Variants in ADARB2 observed in about 807,000 individuals in gnomAD.
The protein encoded by ADARB2 is adenosine deaminase RNA specific B2 (inactive), also known as inactive double-stranded RNA-specific editase B2.
ADARB2 carries 25 observed loss-of-function variants against 62.2 expected under a neutral mutation model. That is an observed-to-expected ratio of 0.40 (90% confidence interval 0.29 to 0.56). The LOEUF (loss-of-function observed/expected upper bound fraction) is 0.56, where lower values mean the gene tolerates loss of function less well. ADARB2 is among the 20% of genes least tolerant of loss of function. The pLI is 0.43. For missense variants in ADARB2, 1,071 were observed against 1,077.4 expected, an observed-to-expected ratio of 0.99 and a Z score of 0.08; for synonymous variants, 572 against 500.8, an observed-to-expected ratio of 1.14 and a Z score of -1.90.
intron 6 of ADARB2, among the ~76,000 whole-genome samples, chr10:1,226,239 G>A (rs1047012089): frequency 1.3e-5 from 2 of 152,132 alleles, no homozygotes; most frequent in South Asian, 2.1e-4. Context: ...TGTAGCTCTC[G>A]TGCCTTGATT....
At chr10:1,473,746 A>C (rs899130060) in intron 1 of ADARB2, among the ~76,000 whole-genome samples, 5 of 152,210 alleles carry the variant, frequency 3.3e-5, no homozygotes, top group African/African-American at 1.2e-4. Flanking sequence ...AGGTCTATAG[A>C]CATTAGGGAA....
At chr10:1,638,353 T>C (rs543162227) in intron 1 of ADARB2, among the ~76,000 whole-genome samples, 1 of 152,352 alleles carries the variant, frequency 6.6e-6, no homozygotes, top group South Asian at 2.1e-4. Context: ...TACATATATT[T>C]GACTAACTTG....
chr10:1,526,772 C>A (rs774508025), intron 1 of ADARB2: 2 of 491,188 alleles, frequency 4.1e-6, no homozygotes, highest in Non-Finnish European at 8.6e-6. Flanking sequence ...AGCCGGATGA[C>A]ATGAAGCAGC....
At chr10:1,563,636 T>TAA (rs202109649) in intron 1 of ADARB2, among the ~76,000 whole-genome samples, 1 of 151,056 alleles carries the variant, frequency 6.6e-6, no homozygotes, top group African/African-American at 2.4e-5. Context: ...CTTTTTTTTT[T>TAA]ATTATTATTA....
chr10:1,634,256 G>T (rs1004114442), intron 1 of ADARB2, among the ~76,000 whole-genome samples: 12 of 152,216 alleles, frequency 7.9e-5, no homozygotes, highest in African/African-American at 2.4e-4. Flanking sequence ...TGAGAACACT[G>T]GACATGGGCA....
chr10:1,663,620 A>AT (rs55695844), intron 1 of ADARB2, among the ~76,000 whole-genome samples: 42,825 of 148,244 alleles, frequency 0.29, 6,151 homozygotes, highest in Middle Eastern at 0.34. Flanking sequence ...TGACAAATGA[A>AT]TTTTTTTTTT....
At chr10:1,183,646 T>C (rs1164789030) in intron 9 of ADARB2, among the ~76,000 whole-genome samples, 1 of 152,006 alleles carries the variant, frequency 6.6e-6, no homozygotes, top group Non-Finnish European at 1.5e-5. Context: ...CCAGGCAGGG[T>C]TGGGGACAGA....
intron 1 of ADARB2, among the ~76,000 whole-genome samples, chr10:1,499,545 G>A (rs985595897): frequency 1.3e-5 from 2 of 148,246 alleles, no homozygotes; most frequent in African/African-American, 5.0e-5. Flanking sequence ...ACTCGCTCAT[G>A]TCTCACTCAT....
intron 1 of ADARB2, among the ~76,000 whole-genome samples, chr10:1,597,021 G>A (rs978642469): frequency 6.6e-6 from 1 of 152,132 alleles, no homozygotes; most frequent in Non-Finnish European, 1.5e-5. Flanking sequence ...CAGGAGCCAC[G>A]AGACTCAAGA....
chr10:1,240,688 C>T (rs1466322086), intron 5 of ADARB2, among the ~76,000 whole-genome samples: 1 of 152,180 alleles, frequency 6.6e-6, no homozygotes, highest in Non-Finnish European at 1.5e-5. Flanking sequence ...CCATGCAGGG[C>T]AGGCGTCGGG....
intron 7 of ADARB2, among the ~76,000 whole-genome samples, chr10:1,206,675 ACTCAGGTACCTCAGCCCTGCGC>A (rs1837071990): frequency 6.6e-6 from 1 of 151,954 alleles, no homozygotes; most frequent in Non-Finnish European, 1.5e-5. Flanking sequence ...ACGCCTTGTG[ACTCAGGTACCTCAGCCCTGCGC>A]CTCCGTCTCT....
In ADARB2 at chr10:1,642,763, T is replaced by A. The variant is rs191138570; in HGVS notation, c.100+94288A>T. ...CATCCACACTCACATGCACACACAC[T>A]CACACTCCCTCACTCACACACCCAC... On this transcript the variant is annotated intron_variant, in intron 1 of 9. Coordinates refer to ENST00000381312, the MANE Select transcript of ADARB2 (RefSeq NM_018702.4). Among the ~76,000 whole-genome samples, 114 of 151,560 alleles carry A rather than the reference T, an allele frequency of 7.5e-4. 1 individual carries two copies. Among genetic ancestry groups the A allele is most frequent in the African/African-American group, 2.5e-3 (104 of 41,340 alleles).
intron 1 of ADARB2, among the ~76,000 whole-genome samples, chr10:1,533,292 T>TA (rs1289608825): frequency 6.6e-6 from 1 of 150,714 alleles, no homozygotes; most frequent in Non-Finnish European, 1.5e-5. Context: ...CTCATTCTTT[T>TA]TTTTTTTTTG....
At position 1,529,247 on chromosome 10, in the gene ADARB2, C is replaced by A. The variant is rs1368218354; in HGVS notation, c.101-150087G>T. ...CCATCCCCAACACAAATCCTCCAAT[C>A]AGTCCACGCACCATGCCCAACACCA... On this transcript the variant is annotated intron_variant, in intron 1 of 9. Coordinates refer to ENST00000381312, the MANE Select transcript of ADARB2 (RefSeq NM_018702.4). Among the ~76,000 whole-genome samples the A allele has an allele frequency of 3.1e-4, 40 of 127,046 alleles. 1 individual carries two copies. Among genetic ancestry groups the A allele is most frequent in the East Asian group, 1.8e-3 (4 of 2,182 alleles). 83.3% of individuals were successfully genotyped at this position (127,046 alleles called of 152,430 possible). A position where few individuals can be genotyped will look rare whatever the true frequency, so the allele number is the denominator to read the frequency against.
At chr10:1,472,803 G>A (rs1831342635) in intron 1 of ADARB2, among the ~76,000 whole-genome samples, 1 of 152,212 alleles carries the variant, frequency 6.6e-6, no homozygotes, top group African/African-American at 2.4e-5. Context: ...TCCTCACACT[G>A]ACTTGAGGAG....
chr10:1,266,521 GC>G (rs1052332971), intron 4 of ADARB2, among the ~76,000 whole-genome samples: 2 of 144,964 alleles, frequency 1.4e-5, no homozygotes, highest in African/African-American at 5.1e-5. Context: ...TGGGGGGGGG[GC>G]CGTGCCCACA....
intron 1 of ADARB2, among the ~76,000 whole-genome samples, chr10:1,643,739 C>A (rs1156752790): frequency 6.6e-6 from 1 of 152,142 alleles, no homozygotes; most frequent in African/African-American, 2.4e-5. Context: ...GCTCCAAAAT[C>A]AAGTTTTTTT....
At chr10:1,219,098 AC>A (rs1830659324) in intron 6 of ADARB2, among the ~76,000 whole-genome samples, 2 of 148,548 alleles carry the variant, frequency 1.3e-5, no homozygotes, top group African/African-American at 5.0e-5. Context: ...CCGCCCTCTC[AC>A]TCCTGCTCTG....
intron 3 of ADARB2, among the ~76,000 whole-genome samples, chr10:1,297,692 C>T (rs1056941609): frequency 1.3e-5 from 2 of 152,236 alleles, no homozygotes; most frequent in Admixed American, 6.5e-5. Context: ...TCTGTCCAAG[C>T]GCCAGCCTCA....
Sources: gnomAD v4.1 joint callset for allele counts (sites outside exome capture counted in the v4.1 genomes callset) on GRCh38, gnomAD v4.1.1 for gene constraint, MANE v1.5 for transcripts, NCBI Gene and HGNC (gene_info 2026-07-23, HGNC 2026-07-21) for gene names.